CACNA1C: variants seen among roughly 807,000 people sequenced by gnomAD.
CACNA1C encodes voltage-dependent L-type calcium channel subunit alpha-1C.
Under a neutral mutation model 229.0 loss-of-function variants are expected in CACNA1C, and 30 were observed. The ratio of observed to expected loss-of-function variants is 0.13; its 90% CI spans 0.10 to 0.18. CACNA1C has a LOEUF of 0.18. Ranked by LOEUF, CACNA1C falls within the 10% of genes least tolerant of loss-of-function variation. The pLI is 1.00. For synonymous variants in CACNA1C, 1,114 were observed against 1,132.5 expected, an observed-to-expected ratio of 0.98 and a Z score of 0.33; for missense variants, 1,658 against 2,845.0, an observed-to-expected ratio of 0.58 and a Z score of 9.49.
At position 2,625,164 on chromosome 12, in the gene CACNA1C, C is replaced by T. The variant is rs12309978; in HGVS notation, c.3829-9133C>T. Among the ~76,000 whole-genome samples the T allele has an allele frequency of 9.4e-3, 1,430 of 152,194 alleles. 16 individuals are homozygous for T. Among genetic ancestry groups the T allele is most frequent in the African/African-American group, 0.032 (1,345 of 41,508 alleles). On this transcript the variant is annotated intron_variant, in intron 29 of 46. Coordinates refer to ENST00000399655, the MANE Select transcript of CACNA1C (RefSeq NM_000719.7). ...TACAACACTGTGACAGGTTTCTTTC[C>T]GGCCTTGTGCTGGAGAGCTTAAAAG...
intron 1 of CACNA1C, among the ~76,000 whole-genome samples, chr12:2,056,196 A>AGTGT (rs138718348): frequency 1.4e-3 from 198 of 146,126 alleles, no homozygotes; most frequent in South Asian, 7.3e-3. Flanking sequence ...AGTGTGTGTG[A>AGTGT]GTGTGTGTGT....
intron 3 of CACNA1C, among the ~76,000 whole-genome samples, chr12:2,432,922 G>A (rs920617476): frequency 4.6e-5 from 7 of 152,052 alleles, no homozygotes; most frequent in Non-Finnish European, 1.0e-4. Context: ...GACTGAAGAG[G>A]GCAAACAAAG....
rs1171138399 is a variant in CACNA1C at position 2,688,624 on chromosome 12, C to T, written c.5962C>T (p.Pro1988Ser). The T allele has an allele frequency of 6.2e-7, 1 of 1,613,980 alleles. No individual in the cohort carries two copies. The highest frequency in any genetic ancestry group is 1.7e-5 in the Admixed American group (1 of 60,034). The change falls in exon 46 of 47, where the codon CCA (proline) becomes TCA (serine). Residue 1988 changes from proline to serine, a missense_variant. Coordinates refer to ENST00000399655, the MANE Select transcript of CACNA1C (RefSeq NM_000719.7). Reference sequence around the variant, plus strand: ...CAGTGAGAAACTCAACAGCAGCTTCCCATCCATCCACTGCGGCTCCTGGGC... The same window carrying T: ...CAGTGAGAAACTCAACAGCAGCTTCTCATCCATCCACTGCGGCTCCTGGGC... The part of the protein sequence containing the change: ...ESSEKLNSSF[P>S]SIHCGSWAET...
chr12:2,418,021 A>G (rs912281690), intron 3 of CACNA1C, among the ~76,000 whole-genome samples: 1 of 152,126 alleles, frequency 6.6e-6, no homozygotes, highest in African/African-American at 2.4e-5. Flanking sequence ...CTGGGCTTAC[A>G]TCAAGCAGAG....
intron 2 of CACNA1C, among the ~76,000 whole-genome samples, chr12:2,117,453 C>T (rs1417405328): frequency 3.9e-5 from 6 of 152,164 alleles, no homozygotes; most frequent in Non-Finnish European, 8.8e-5. Context: ...TATCTGCTCA[C>T]GGTGGAGTCA....
intron 10 of CACNA1C, chr12:2,550,435 C>G: frequency 1.1e-6 from 1 of 931,210 alleles, no homozygotes; most frequent in South Asian, 1.5e-5. Context: ...TGCTGGCCAC[C>G]CTTTCCATTC....
chr12:2,422,512 T>C (rs890576598), intron 3 of CACNA1C, among the ~76,000 whole-genome samples: 6 of 152,198 alleles, frequency 3.9e-5, no homozygotes, highest in African/African-American at 1.4e-4. Flanking sequence ...GACCTGGGTA[T>C]ATCTTGGATG....
chr12:2,174,495 G>A (rs1244869078), intron 3 of CACNA1C, among the ~76,000 whole-genome samples: 1 of 152,144 alleles, frequency 6.6e-6, no homozygotes, highest in Non-Finnish European at 1.5e-5. Flanking sequence ...GAGTTCCCGT[G>A]CTCCAGCTTC....
chr12:2,274,469 A>G (rs941729270), intron 3 of CACNA1C, among the ~76,000 whole-genome samples: 3 of 152,212 alleles, frequency 2.0e-5, no homozygotes, highest in African/African-American at 7.2e-5. Context: ...ACTGGGTTGC[A>G]GTGAAAGTTT....
intron 29 of CACNA1C, chr12:2,614,045 A>G (rs1396569543): frequency 6.6e-6 from 1 of 152,204 alleles, no homozygotes; most frequent in Non-Finnish European, 1.5e-5. Context: ...AGACATACAG[A>G]CAACCTTCCC....
chr12:2,108,539 C>T lies in CACNA1C; in HGVS notation c.50-6685C>T, dbSNP rs1469523127. ...AAAAGTTGTGTCAGGAATTCTCGCT[C>T]CAAGGGAGGTTGGGAGCCATTGTGT... On this transcript the variant is annotated intron_variant, in intron 1 of 46. Coordinates refer to ENST00000399655, the MANE Select transcript of CACNA1C (RefSeq NM_000719.7). This position sits in a 1 kb window ranked among gnomAD's most constrained non-coding sequence, Gnocchi z 5.3. Among the ~76,000 whole-genome samples, 1 of 152,206 alleles carries T rather than the reference C, an allele frequency of 6.6e-6. No homozygotes were observed.
intron 3 of CACNA1C, among the ~76,000 whole-genome samples, chr12:2,143,688 G>A (rs185325324): frequency 2.0e-5 from 3 of 151,148 alleles, no homozygotes; most frequent in East Asian, 1.9e-4. Flanking sequence ...ATCACCTAAC[G>A]ACTTATTTCT....
At chr12:2,466,339 A>G (rs906757700) in intron 5 of CACNA1C, among the ~76,000 whole-genome samples, 1 of 152,218 alleles carries the variant, frequency 6.6e-6, no homozygotes, top group Non-Finnish European at 1.5e-5. Flanking sequence ...GCATTGTGCA[A>G]GAGAGGAGGC....
chr12:2,671,835 G>C (rs11062306), intron 38 of CACNA1C, among the ~76,000 whole-genome samples: 2 of 152,206 alleles, frequency 1.3e-5, no homozygotes, highest in African/African-American at 2.4e-5. Flanking sequence ...AGACATTTCA[G>C]AACAGCTACC....
At chr12:2,206,836 G>T (rs1339052441) in intron 3 of CACNA1C, among the ~76,000 whole-genome samples, 2 of 152,204 alleles carry the variant, frequency 1.3e-5, no homozygotes, top group Non-Finnish European at 2.9e-5. Flanking sequence ...TCTCCCACAT[G>T]AATGTGTTCC....
intron 8 of CACNA1C, among the ~76,000 whole-genome samples, chr12:2,506,287 C>T (rs1054568138): frequency 6.6e-6 from 1 of 152,124 alleles, no homozygotes; most frequent in African/African-American, 2.4e-5. Context: ...AAGAAAATGC[C>T]CATGTGTTTA....
intron 5 of CACNA1C, among the ~76,000 whole-genome samples, chr12:2,464,364 A>G (rs541135877): frequency 2.6e-5 from 4 of 152,298 alleles, no homozygotes; most frequent in Admixed American, 6.5e-5. Flanking sequence ...CCGGTTTTAG[A>G]TCTGGACCTC....
At chr12:2,447,598 C>A (rs1360022113) in intron 3 of CACNA1C, among the ~76,000 whole-genome samples, 1 of 152,212 alleles carries the variant, frequency 6.6e-6, no homozygotes, top group Non-Finnish European at 1.5e-5. Context: ...GCACTCCCTA[C>A]ATGCCCAGGG....
At chr12:2,189,074 C>G (rs1276003144) in intron 3 of CACNA1C, among the ~76,000 whole-genome samples, 4 of 116,316 alleles carry the variant, frequency 3.4e-5, no homozygotes, top group African/African-American at 1.4e-4. Flanking sequence ...GCCTGCGCGA[C>G]AGAACGAGAC....
Sources: gnomAD v4.1 joint callset for allele counts (sites outside exome capture counted in the v4.1 genomes callset) on GRCh38, gnomAD v4.1.1 for gene constraint, Gnocchi (gnomAD v3.1) non-coding constraint, MANE v1.5 for transcripts, NCBI Gene and HGNC (gene_info 2026-07-23, HGNC 2026-07-21) for gene names.